RIMS2: variants seen among roughly 807,000 people sequenced by gnomAD.
RIMS2 encodes the protein regulating synaptic membrane exocytosis protein 2.
In RIMS2, 59 loss-of-function variants were observed where a neutral mutation model predicts 174.4. The ratio of observed to expected loss-of-function variants is 0.34; its 90% CI spans 0.27 to 0.42. RIMS2 has a LOEUF of 0.42. Ranked by LOEUF, RIMS2 falls within the 10% of genes least tolerant of loss-of-function variation. RIMS2 has a pLI of 1.00. For missense variants in RIMS2, 1,620 were observed against 1,666.3 expected, an observed-to-expected ratio of 0.97 and a Z score of 0.48; for synonymous variants, 606 against 572.5, an observed-to-expected ratio of 1.06 and a Z score of -0.84.
At chr8:104,156,852 A>T (rs1438183867) in intron 19 of RIMS2, among the ~76,000 whole-genome samples, 1 of 152,214 alleles carries the variant, frequency 6.6e-6, no homozygotes, top group East Asian at 1.9e-4. Flanking sequence ...GACCAGGCAT[A>T]CAGAAAGTGA....
intron 1 of RIMS2, among the ~76,000 whole-genome samples, chr8:103,548,286 C>A (rs773892837): frequency 2.6e-5 from 4 of 152,192 alleles, no homozygotes; most frequent in African/African-American, 4.8e-5. Flanking sequence ...CAGACTGAAT[C>A]TGACAGCACA....
chr8:104,183,281 A>G (rs897215802), intron 19 of RIMS2, among the ~76,000 whole-genome samples: 2 of 151,768 alleles, frequency 1.3e-5, no homozygotes, highest in African/African-American at 4.8e-5. Flanking sequence ...TAAATTTGCA[A>G]TTCAACTATA....
At chr8:103,555,651 G>C (rs1329155978) in intron 1 of RIMS2, among the ~76,000 whole-genome samples, 1 of 151,986 alleles carries the variant, frequency 6.6e-6, no homozygotes, top group Non-Finnish European at 1.5e-5. Context: ...AAAAAATCTG[G>C]CCAGGCATGG....
At chr8:104,160,622 T>A (rs933686682) in intron 19 of RIMS2, among the ~76,000 whole-genome samples, 4 of 152,232 alleles carry the variant, frequency 2.6e-5, no homozygotes, top group Admixed American at 2.6e-4. Flanking sequence ...GCAGTCATAA[T>A]CAAATTATTA....
chr8:103,869,502 T>C (rs190069093), intron 3 of RIMS2, among the ~76,000 whole-genome samples: 1 of 151,858 alleles, frequency 6.6e-6, no homozygotes, highest in Admixed American at 6.6e-5. Flanking sequence ...CAGCTAATTT[T>C]TGTAGAAACG....
chr8:103,865,521 A>T (rs914993837), intron 3 of RIMS2, among the ~76,000 whole-genome samples: 1 of 151,642 alleles, frequency 6.6e-6, no homozygotes, highest in African/African-American at 2.4e-5. Flanking sequence ...CTGACCTCAG[A>T]TGATCTGTCC....
At chr8:104,061,001 A>G (rs1422629137) in intron 19 of RIMS2, among the ~76,000 whole-genome samples, 6 of 152,104 alleles carry the variant, frequency 3.9e-5, no homozygotes, top group Non-Finnish European at 5.9e-5. Flanking sequence ...TATGTGGTCA[A>G]TTTTGGAATA....
At chr8:104,195,290 G>A (rs2099018393) in intron 19 of RIMS2, among the ~76,000 whole-genome samples, 1 of 152,084 alleles carries the variant, frequency 6.6e-6, no homozygotes, top group Admixed American at 6.6e-5. Flanking sequence ...AGTCAAAGGT[G>A]ACTCCCAGTT....
intron 19 of RIMS2, among the ~76,000 whole-genome samples, chr8:104,202,963 A>G (rs1047539203): frequency 9.2e-5 from 14 of 152,208 alleles, no homozygotes; most frequent in Admixed American, 2.0e-4. Flanking sequence ...GAAGTACAAG[A>G]TGTTGGGAAG....
At chr8:103,995,371 T>C (rs2095021675) in intron 17 of RIMS2, among the ~76,000 whole-genome samples, 1 of 152,042 alleles carries the variant, frequency 6.6e-6, no homozygotes. Context: ...TGGAACAGAT[T>C]GGAGAGAAAA....
At chr8:103,794,326 A>G (rs1476518676) in intron 3 of RIMS2, among the ~76,000 whole-genome samples, 1 of 152,204 alleles carries the variant, frequency 6.6e-6, no homozygotes, top group Non-Finnish European at 1.5e-5. Context: ...AAAACAAGAA[A>G]TGGGGAAAGA....
At chr8:103,924,218 T>C (rs1595240604) in intron 10 of RIMS2, among the ~76,000 whole-genome samples, 1 of 151,686 alleles carries the variant, frequency 6.6e-6, no homozygotes, top group Admixed American at 6.6e-5. Flanking sequence ...AATTTTTCCT[T>C]CAGAAATGAT....
At chr8:103,592,603 C>T (rs976136011) in intron 1 of RIMS2, among the ~76,000 whole-genome samples, 2 of 151,294 alleles carry the variant, frequency 1.3e-5, no homozygotes, top group African/African-American at 4.8e-5. Context: ...CTGGCAGTCT[C>T]CAAGACCATT....
At chr8:103,793,294 C>T (rs953376989) in intron 3 of RIMS2, among the ~76,000 whole-genome samples, 4 of 152,186 alleles carry the variant, frequency 2.6e-5, no homozygotes, top group African/African-American at 9.6e-5. Flanking sequence ...AATCAGTAAA[C>T]GTAACCCCTC....
intron 1 of RIMS2, among the ~76,000 whole-genome samples, chr8:103,520,880 CTA>C (rs975767772): frequency 6.6e-6 from 1 of 152,006 alleles, no homozygotes; most frequent in Non-Finnish European, 1.5e-5. Context: ...AGTTCAAAGA[CTA>C]TTCATTTTTT....
chr8:104,191,595 C>T (rs1274091710), intron 19 of RIMS2, among the ~76,000 whole-genome samples: 1 of 152,036 alleles, frequency 6.6e-6, no homozygotes, highest in Admixed American at 6.6e-5. Context: ...AAGCTTTAGC[C>T]GTTTCAAGGA....
At chr8:103,880,316 A>G (rs559093832) in intron 3 of RIMS2, 5 of 193,500 alleles carry the variant, frequency 2.6e-5, no homozygotes, top group South Asian at 3.8e-4. Context: ...TTTGGTGTTC[A>G]GTATTGTGAG....
At chr8:103,698,893 G>C (rs1382332424) in intron 2 of RIMS2, among the ~76,000 whole-genome samples, 3 of 152,208 alleles carry the variant, frequency 2.0e-5, no homozygotes, top group African/African-American at 7.2e-5. Context: ...CTGATAAAAT[G>C]TGTTGGGAAG....
At position 103,706,090 on chromosome 8, in the gene RIMS2, C is replaced by T. The variant is rs570870544; in HGVS notation, c.387+8794C>T. On this transcript the variant is annotated intron_variant, in intron 2 of 23. Coordinates refer to ENST00000504942, the Ensembl canonical transcript of RIMS2. Reference sequence around the variant, plus strand: ...GGACCTATTATAGGTATTTCTTCGTCGTTTCTATTAGCTTACAAAATATAT... The same window carrying T: ...GGACCTATTATAGGTATTTCTTCGTTGTTTCTATTAGCTTACAAAATATAT... Among the ~76,000 whole-genome samples the T allele has an allele frequency of 1.4e-4, 21 of 151,816 alleles. No individual in the cohort carries two copies. In the South Asian group the frequency reaches 2.3e-3, roughly 17 times the overall value.
Sources: gnomAD v4.1 joint callset for allele counts (sites outside exome capture counted in the v4.1 genomes callset) on GRCh38, gnomAD v4.1.1 for gene constraint, MANE v1.5 for transcripts, NCBI Gene and HGNC (gene_info 2026-07-23, HGNC 2026-07-21) for gene names.